Variants in DENND1B observed in about 807,000 individuals in gnomAD.
DENND1B encodes the protein DENN domain containing 1B, also known as DENN domain-containing protein 1B.
Under a neutral mutation model 90.1 loss-of-function variants are expected in DENND1B, and 59 were observed. That is an observed-to-expected ratio of 0.65 (90% CI 0.53 to 0.81). The LOEUF (loss-of-function observed/expected upper bound fraction) is 0.81, where lower values mean the gene tolerates loss of function less well. DENND1B is among the 40% of genes least tolerant of loss of function. The pLI, the probability that DENND1B is intolerant of heterozygous loss-of-function variation, is 0.00. For missense variants in DENND1B, 862 were observed against 912.6 expected (o/e 0.94, Z 0.71); for synonymous variants, 337 against 324.6 (o/e 1.04, Z -0.41).
At chr1:197,780,344 T>G (rs1657395669), upstream of DENND1B, among the ~76,000 whole-genome samples, 1 of 149,566 alleles carries the variant, frequency 6.7e-6, no homozygotes, top group Non-Finnish European at 1.5e-5. Context: ...TTTTTTTTTT[T>G]GAGATGGAGT....
At chr1:197,775,059 A>G in intron 1 of DENND1B, 80 bp downstream of exon 1, 1 of 996,178 alleles carries the variant, frequency 1.0e-6, no homozygotes, top group Non-Finnish European at 1.3e-6. Context: ...TTGAGCGCGG[A>G]GGCGCGGAGG....
Position 197,626,167 on chromosome 1 carries a change from C to T in DENND1B, c.673-8408G>A, listed in dbSNP as rs1178112401. Among the ~76,000 whole-genome samples, 112 of 152,114 alleles carry T rather than the reference C, an allele frequency of 7.4e-4. 1 individual carries two copies. Among genetic ancestry groups the T allele is most frequent in the Admixed American group, 1.8e-3 (28 of 15,274 alleles). On this transcript the variant is annotated intron_variant, in intron 10 of 22. Transcript: ENST00000620048. Reference sequence around the variant, plus strand: ...GAATTGAACTCAGCTCTGCACCAAGCAGACCTAATAGACATCTACAGAACT... The same window carrying T: ...GAATTGAACTCAGCTCTGCACCAAGTAGACCTAATAGACATCTACAGAACT...
At chr1:197,747,471 C>T (rs1267071301) in intron 2 of DENND1B, 6 of 288,688 alleles carry the variant, frequency 2.1e-5, no homozygotes, top group East Asian at 8.2e-5. Context: ...TGTCAGGAAG[C>T]GGTCACCTGG....
intron 18 of DENND1B, among the ~76,000 whole-genome samples, chr1:197,541,508 A>G (rs1422992326): frequency 6.6e-6 from 1 of 152,204 alleles, no homozygotes; most frequent in East Asian, 1.9e-4. Flanking sequence ...TTTTTCTGGT[A>G]AAACTTAAAA....
At chr1:197,699,709 C>T (rs1307908194) in intron 3 of DENND1B, among the ~76,000 whole-genome samples, 1 of 152,152 alleles carries the variant, frequency 6.6e-6, no homozygotes, top group African/African-American at 2.4e-5. Context: ...GCAACTTCAG[C>T]AAAGTCTCAG....
chr1:197,639,153 T>C (rs1680057408), intron 10 of DENND1B, among the ~76,000 whole-genome samples: 1 of 151,802 alleles, frequency 6.6e-6, no homozygotes, highest in Non-Finnish European at 1.5e-5. Flanking sequence ...AACCTCCGTC[T>C]CCCGGGTTCA....
At chr1:197,672,931 T>C (rs1339160756) in intron 4 of DENND1B, among the ~76,000 whole-genome samples, 3 of 152,006 alleles carry the variant, frequency 2.0e-5, no homozygotes, top group African/African-American at 7.2e-5. Flanking sequence ...ATCTTGCCAT[T>C]AGATAACCAT....
At chr1:197,757,622 A>G (rs1215373476) in intron 2 of DENND1B, among the ~76,000 whole-genome samples, 1 of 152,230 alleles carries the variant, frequency 6.6e-6, no homozygotes, top group African/African-American at 2.4e-5. Context: ...CTTCATCAAC[A>G]TTATTAAATT....
intron 2 of DENND1B, among the ~76,000 whole-genome samples, chr1:197,752,430 AG>A (rs1653677826): frequency 6.6e-6 from 1 of 152,054 alleles, no homozygotes; most frequent in Non-Finnish European, 1.5e-5. Flanking sequence ...ATTTGGGCCT[AG>A]GTAACTTCAT....
chr1:197,530,473 A>G (rs558606462), intron 20 of DENND1B, among the ~76,000 whole-genome samples: 1 of 152,194 alleles, frequency 6.6e-6, no homozygotes, highest in South Asian at 2.1e-4. Flanking sequence ...AAAATGACAT[A>G]CTCAAGGTCT....
At chr1:197,606,981 T>C (rs1676740161) in intron 13 of DENND1B, 92 bp downstream of exon 13, 1 of 884,316 alleles carries the variant, frequency 1.1e-6, no homozygotes, top group Non-Finnish European at 1.8e-6. Flanking sequence ...AACCCTTTTA[T>C]TTCAGATATT....
At chr1:197,703,641 T>C (rs1351489155) in intron 3 of DENND1B, among the ~76,000 whole-genome samples, 1 of 152,194 alleles carries the variant, frequency 6.6e-6, no homozygotes, top group Non-Finnish European at 1.5e-5. Flanking sequence ...TCTTGTTTGA[T>C]AATATCTGAT....
intron 14 of DENND1B, among the ~76,000 whole-genome samples, chr1:197,584,435 A>G (rs1345281080): frequency 3.9e-5 from 6 of 152,192 alleles, no homozygotes; most frequent in South Asian, 2.1e-4. Flanking sequence ...GAACCGCTCA[A>G]TGGTCACATG....
intron 15 of DENND1B, among the ~76,000 whole-genome samples, chr1:197,565,050 C>A (rs1246675780): frequency 1.3e-5 from 2 of 152,012 alleles, no homozygotes; most frequent in African/African-American, 2.4e-5. Context: ...CAATTACCAT[C>A]TCCTATCTAT....
intron 10 of DENND1B, among the ~76,000 whole-genome samples, chr1:197,629,332 G>A (rs1265212782): frequency 1.3e-5 from 2 of 152,122 alleles, no homozygotes; most frequent in South Asian, 2.1e-4. Flanking sequence ...ATACACCATG[G>A]AATACTATGC....
intron 2 of DENND1B, among the ~76,000 whole-genome samples, chr1:197,741,771 A>G (rs1328901693): frequency 3.3e-5 from 5 of 152,134 alleles, no homozygotes; most frequent in Non-Finnish European, 5.9e-5. Context: ...CATACACTCA[A>G]AAAGAAAAAA....
intron 20 of DENND1B, among the ~76,000 whole-genome samples, chr1:197,538,705 C>T (rs1013485877): frequency 7.8e-6 from 1 of 127,852 alleles, no homozygotes; most frequent in African/African-American, 3.0e-5. Flanking sequence ...AGTTTCAGTA[C>T]AGCTTCACTA....
At chr1:197,582,699 T>C (rs1674348578) in intron 15 of DENND1B, among the ~76,000 whole-genome samples, 1 of 152,206 alleles carries the variant, frequency 6.6e-6, no homozygotes, top group Admixed American at 6.5e-5. Context: ...TTATTAATTC[T>C]GAATGTATGA....
At position 197,545,996 on chromosome 1, in the gene DENND1B, A is replaced by G; in HGVS notation, c.1282-6T>C. 6.3e-7 allele frequency: 1 copy of G among 1,595,048 alleles called. No individual in the cohort carries two copies. The highest frequency in any genetic ancestry group is 2.3e-5 in the East Asian group (1 of 44,342). ...TTGAACAGTGCACCTCCTTTCTGCA[A>G]AAGAAAAACAGAAACATATTTCCAA... On this transcript the variant is annotated splice_polypyrimidine_tract_variant and splice_region_variant and intron_variant, in intron 17 of 22. Transcript: ENST00000620048.
Sources: gnomAD v4.1 joint callset for allele counts (sites outside exome capture counted in the v4.1 genomes callset) on GRCh38, gnomAD v4.1.1 for gene constraint, MANE v1.5 for transcripts, NCBI Gene and HGNC (gene_info 2026-07-23, HGNC 2026-07-21) for gene names.